The following MGAT4C variants were observed in gnomAD, a reference collection of about 807,000 sequenced individuals.
MGAT4C encodes the protein alpha-1,3-mannosyl-glycoprotein 4-beta-N-acetylglucosaminyltransferase C.
Under a neutral mutation model 40.1 loss-of-function variants are expected in MGAT4C, and 19 were observed. The observed-to-expected ratio is 0.47, with a 90% CI of 0.33 to 0.70. The LOEUF is 0.70. Ranked by LOEUF, MGAT4C falls within the 30% of genes least tolerant of loss-of-function variation. MGAT4C has a pLI of 0.02. For missense variants in MGAT4C, 491 were observed against 563.2 expected (o/e 0.87, Z 1.30); for synonymous variants, 181 against 187.1 (o/e 0.97, Z 0.27).
At chr12:86,024,473 T>G (rs1362901629) in intron 2 of MGAT4C, among the ~76,000 whole-genome samples, 33 of 151,838 alleles carry the variant, frequency 2.2e-4, no homozygotes, top group Admixed American at 2.2e-3. Context: ...TTTGTTTCTT[T>G]CCCTTTCTAT....
At chr12:86,485,788 A>G (rs1489908115) in intron 2 of MGAT4C, among the ~76,000 whole-genome samples, 1 of 152,182 alleles carries the variant, frequency 6.6e-6, no homozygotes, top group Non-Finnish European at 1.5e-5. Context: ...ATATTCACCA[A>G]GATCAGTGAA....
At chr12:86,382,354 T>C (rs565739277) in intron 3 of MGAT4C, among the ~76,000 whole-genome samples, 2 of 152,346 alleles carry the variant, frequency 1.3e-5, no homozygotes, top group East Asian at 3.9e-4. Flanking sequence ...TTAGGGTATC[T>C]GGCAGAAGAA....
intron 3 of MGAT4C, among the ~76,000 whole-genome samples, chr12:86,351,185 G>A (rs1321773093): frequency 2.6e-5 from 4 of 151,900 alleles, no homozygotes; most frequent in African/African-American, 9.7e-5. Context: ...ACTAGAAATT[G>A]TTTAGTTCCA....
chr12:86,019,692 A>G (rs1049495558), intron 2 of MGAT4C, among the ~76,000 whole-genome samples: 12 of 152,076 alleles, frequency 7.9e-5, no homozygotes, highest in Non-Finnish European at 1.5e-4. Context: ...TTGGTTCCAT[A>G]TGAACTTTAA....
intron 3 of MGAT4C, among the ~76,000 whole-genome samples, chr12:86,385,617 A>G (rs1056289320): frequency 5.9e-5 from 9 of 152,300 alleles, no homozygotes; most frequent in Admixed American, 2.0e-4. Context: ...ATCTCTTGCT[A>G]CTTACCACAA....
At chr12:86,110,756 T>G (rs562000266) in intron 1 of MGAT4C, among the ~76,000 whole-genome samples, 2 of 151,826 alleles carry the variant, frequency 1.3e-5, no homozygotes, top group Non-Finnish European at 3.0e-5. Context: ...TTTATAGGAT[T>G]TATAATACTC....
chr12:86,129,044 C>T (rs1335761452), intron 1 of MGAT4C, among the ~76,000 whole-genome samples: 1 of 152,102 alleles, frequency 6.6e-6, no homozygotes, highest in African/African-American at 2.4e-5. Flanking sequence ...CTACATTCAC[C>T]TCTGAGCAAG....
At chr12:86,289,991 T>C (rs1324153122) in intron 4 of MGAT4C, among the ~76,000 whole-genome samples, 3 of 152,146 alleles carry the variant, frequency 2.0e-5, no homozygotes, top group East Asian at 3.9e-4. Context: ...AGAGACATCA[T>C]AGGTCATACT....
Position 86,239,291 on chromosome 12 carries a change from C to T in MGAT4C, c.-57+16948G>A, listed in dbSNP as rs568291397. On this transcript the variant is annotated intron_variant, in intron 1 of 4. Coordinates refer to ENST00000611864, the MANE Select transcript of MGAT4C (RefSeq NM_001351288.2). ...ATGAAAATTTTTATTTAGGAAAGCT[C>T]GTGGAGGAAGGAACATGACTACTTT... Among the ~76,000 whole-genome samples, 36 of 151,664 alleles carry T rather than the reference C, an allele frequency of 2.4e-4. No homozygotes were observed. The South Asian group carries it at 7.3e-3, about 31-fold the overall frequency.
intron 3 of MGAT4C, among the ~76,000 whole-genome samples, chr12:86,407,189 C>T (rs573641461): frequency 1.3e-5 from 2 of 152,170 alleles, no homozygotes; most frequent in South Asian, 2.1e-4. Context: ...TGCAAGGGTC[C>T]AAAATGCAGA....
intron 1 of MGAT4C, among the ~76,000 whole-genome samples, chr12:86,213,627 C>A (rs1478418353): frequency 6.6e-6 from 1 of 151,020 alleles, no homozygotes; most frequent in Non-Finnish European, 1.5e-5. Flanking sequence ...TTAAAAAAAA[C>A]AGTATATCAA....
chr12:86,513,033 T>G (rs1001699193), intron 2 of MGAT4C, among the ~76,000 whole-genome samples: 4 of 152,154 alleles, frequency 2.6e-5, no homozygotes, highest in African/African-American at 9.7e-5. Context: ...ACTAGTTATT[T>G]ATATTTATTC....
chr12:86,542,337 T>C (rs1469548888), intron 2 of MGAT4C, among the ~76,000 whole-genome samples: 1 of 146,244 alleles, frequency 6.8e-6, no homozygotes, highest in East Asian at 2.0e-4. Context: ...TAGGAAGAGG[T>C]TCTACTCAGC....
chr12:86,788,478 A>G (rs1053448270), intron 1 of MGAT4C, among the ~76,000 whole-genome samples: 4 of 152,080 alleles, frequency 2.6e-5, no homozygotes, highest in African/African-American at 9.7e-5. Context: ...TCATTTCTAC[A>G]AACTTCTCTA....
chr12:86,537,924 T>C (rs559590759), intron 2 of MGAT4C, among the ~76,000 whole-genome samples: 1 of 152,020 alleles, frequency 6.6e-6, no homozygotes, highest in African/African-American at 2.4e-5. Context: ...CCGTCTCTAC[T>C]AAAAATACAA....
chr12:86,487,373 G>T (rs777182980), intron 2 of MGAT4C, among the ~76,000 whole-genome samples: 12 of 152,164 alleles, frequency 7.9e-5, no homozygotes, highest in Non-Finnish European at 1.6e-4. Context: ...GCTCCAAAAG[G>T]TGACTTTGCA....
intron 1 of MGAT4C, among the ~76,000 whole-genome samples, chr12:86,232,351 A>T (rs1181854202): frequency 1.3e-5 from 2 of 152,180 alleles, no homozygotes; most frequent in Admixed American, 6.5e-5. Context: ...AGTTCAAGAA[A>T]TTTTTTTTCT....
chr12:86,010,653 G>A (rs1282540596), intron 2 of MGAT4C, among the ~76,000 whole-genome samples: 1 of 152,054 alleles, frequency 6.6e-6, no homozygotes, highest in African/African-American at 2.4e-5. Flanking sequence ...ACTCCAGCCT[G>A]AGTGACAGAG....
In MGAT4C at chr12:86,317,029, A is replaced by AGAAG. The variant is rs550658171; in HGVS notation, c.-57+17032_-57+17035dup. 9.8e-4 allele frequency among the ~76,000 whole-genome samples: 149 copies of AGAAG among 151,966 alleles called. 1 individual carries two copies. Among genetic ancestry groups the AGAAG allele is most frequent in the African/African-American group, 2.9e-3 (120 of 41,388 alleles). On this transcript the variant is annotated intron_variant, in intron 4 of 7. Coordinates refer to the MGAT4C transcript ENST00000548651. ...AAGGACAGAAAAAAGAAGGGACAAA[A>AGAAG]GAAGGAAGGAAGGAAGGAAGGAAAC...
Sources: allele counts gnomAD v4.1 joint callset (sites outside exome capture counted in the v4.1 genomes callset), GRCh38; gene constraint gnomAD v4.1.1; transcripts MANE v1.5; gene names NCBI Gene and HGNC (gene_info 2026-07-23, HGNC 2026-07-21).